SLC11A2: variants seen among roughly 807,000 people sequenced by gnomAD.
The protein encoded by SLC11A2 is solute carrier family 11 member 2.
A neutral mutation model predicts 68.0 loss-of-function variants in SLC11A2; 38 were observed. That is an observed-to-expected ratio of 0.56 (90% CI 0.43 to 0.73). The LOEUF (loss-of-function observed/expected upper bound fraction) is 0.73, where lower values mean the gene tolerates loss of function less well. Among genes scored for constraint, SLC11A2 ranks in the 30% least tolerant of loss-of-function variants. The pLI is 0.00. For missense variants in SLC11A2, 517 were observed against 690.5 expected (o/e 0.75, Z 2.82); for synonymous variants, 242 against 250.6 (o/e 0.97, Z 0.32).
At chr12:50,970,295 G>C in the SLC11A2 span, 1 of 636,380 alleles carries the variant, frequency 1.6e-6, no homozygotes, top group Non-Finnish European at 2.8e-6. Flanking sequence ...TCACTTGTAT[G>C]ATCCAAACCA....
Position 50,992,222 on chromosome 12 carries a change from T to C in SLC11A2, c.1315A>G (p.Asn439Asp). 10 of 1,614,066 alleles carry C rather than the reference T, an allele frequency of 6.2e-6. No individual in the cohort carries two copies. The highest frequency in any genetic ancestry group is 7.6e-6 in the Non-Finnish European group (9 of 1,179,948). The change falls in exon 13 of 16, where the codon AAT becomes GAT. Residue 439 changes from asparagine to aspartate, a missense_variant. Physicochemically the swap from Asn to Asp is conservative, Grantham distance 23. Coordinates refer to ENST00000262052, the MANE Select transcript of SLC11A2 (RefSeq NM_000617.3). ...CTCTGTAGAACATTCAGAAAGTCAT[T>C]CATCCCTGTTAGATGCTCTACATCT... Reference protein sequence around the residue: ...FQDVEHLTGMNDFLNVLQSLQ... With the variant: ...FQDVEHLTGMDDFLNVLQSLQ...
At position 50,987,003 on chromosome 12, in the gene SLC11A2, G is replaced by A. The variant is rs1940641915; in HGVS notation, c.*1322C>T. 1 of 1,285,358 alleles carries A rather than the reference G, an allele frequency of 7.8e-7. No individual in the cohort carries two copies. Among genetic ancestry groups the A allele is most frequent in the Non-Finnish European group, 1.0e-6 (1 of 987,652 alleles). 79.6% of individuals were successfully genotyped at this position (1,285,358 alleles called of 1,614,324 possible). ...TCACCAAATCAATGACTATAAAACA[G>A]TTTTGATTATTTATCTCCATCAAAG... On this transcript the variant is annotated 3_prime_UTR_variant, in exon 16 of 16. Transcript: ENST00000262052.
At chr12:51,027,617 CTGAAGATGAGACTGCCAAACTGG>C (rs1944443380), upstream of SLC11A2, among the ~76,000 whole-genome samples, 1 of 152,162 alleles carries the variant, frequency 6.6e-6, no homozygotes, top group Non-Finnish European at 1.5e-5. Context: ...ATCTTTTGCT[CTGAAGATGAGACTGCCAAACTGG>C]TGAAGAGGGA....
chr12:51,013,575 T>A lies in SLC11A2; in HGVS notation c.-38-2809A>T, dbSNP rs568694765. ...CACTGGAAAATCAGCTGGGCACTGT[T>A]TAAGGCACTGGAAAATCACCTGGGC... On this transcript the variant is annotated intron_variant, in intron 1 of 15. Coordinates refer to ENST00000262052, the MANE Select transcript of SLC11A2 (RefSeq NM_000617.3). 9.2e-5 allele frequency among the ~76,000 whole-genome samples: 14 copies of A among 151,858 alleles called. No individual in the cohort carries two copies. The East Asian group carries it at 2.4e-3, about 26-fold the overall frequency.
chr12:50,986,083 C>G lies in SLC11A2; in HGVS notation c.*2242G>C. The G allele has an allele frequency of 7.8e-7, 1 of 1,286,576 alleles. No individual in the cohort carries two copies. The highest frequency in any genetic ancestry group is 1.0e-6 in the Non-Finnish European group (1 of 988,304). The allele number at this position is 1,286,576 out of a possible 1,614,324, so 79.7% of individuals were successfully genotyped here. A position where few individuals can be genotyped will look rare whatever the true frequency, so the allele number is the denominator to read the frequency against. On this transcript the variant is annotated 3_prime_UTR_variant, in exon 16 of 16. Transcript: ENST00000262052. The stretch of plus-strand genomic sequence containing the variant: ...TCAGTTGTAACCACTCCTAACACCA[C>G]TAGCAGAACCTCAAGGGAGCCAAGA...
At position 50,987,642 on chromosome 12, in the gene SLC11A2, G is replaced by A. The variant is rs1940725214; in HGVS notation, c.*683C>T. The A allele has an allele frequency of 2.3e-6, 3 of 1,287,098 alleles. No individual in the cohort carries two copies. Among genetic ancestry groups the A allele is most frequent in the Admixed American group, 2.3e-5 (1 of 43,524 alleles). The allele number at this position is 1,287,098 out of a possible 1,614,324, so 79.7% of individuals were successfully genotyped here. On this transcript the variant is annotated 3_prime_UTR_variant, in exon 16 of 16. Coordinates refer to ENST00000262052, the MANE Select transcript of SLC11A2 (RefSeq NM_000617.3). ...CTTTTCAATCTGAGGAAAATCCTGAGAAGGTAATTAGTAAGCACCACCTAG... is the reference window on the plus strand; with the variant it reads ...CTTTTCAATCTGAGGAAAATCCTGAAAAGGTAATTAGTAAGCACCACCTAG...
chr12:50,990,646 G>C, intron 15 of SLC11A2, 149 bp downstream of exon 15: 1 of 755,390 alleles, frequency 1.3e-6, no homozygotes. Flanking sequence ...CTGGATTCAA[G>C]CAATCCTCCC....
At chr12:51,028,227 G>C, upstream of SLC11A2, 1 of 1,534,830 alleles carries the variant, frequency 6.5e-7, no homozygotes, top group Non-Finnish European at 8.7e-7. Context: ...CTTCCTCATG[G>C]TGCAGAACTA....
chr12:51,001,060 G>C (rs1319129689), intron 5 of SLC11A2, among the ~76,000 whole-genome samples: 1 of 151,860 alleles, frequency 6.6e-6, no homozygotes, highest in Non-Finnish European at 1.5e-5. Flanking sequence ...AGCTACTCAG[G>C]GGGCTGAGGC....
chr12:51,013,453 G>A (rs1778580626), intron 1 of SLC11A2, among the ~76,000 whole-genome samples: 1 of 151,624 alleles, frequency 6.6e-6, no homozygotes, highest in Non-Finnish European at 1.5e-5. Context: ...ACCGAGCCCG[G>A]CTAATTTTTG....
At chr12:51,018,479 T>A (rs987114026) in intron 1 of SLC11A2, among the ~76,000 whole-genome samples, 52 of 152,090 alleles carry the variant, frequency 3.4e-4, no homozygotes, top group Non-Finnish European at 5.6e-4. Context: ...CTTCAACTTT[T>A]TTTTTTTTAA....
chr12:51,002,228 G>A (rs1463656701), intron 5 of SLC11A2, among the ~76,000 whole-genome samples: 1 of 152,020 alleles, frequency 6.6e-6, no homozygotes, highest in Non-Finnish European at 1.5e-5. Context: ...CACACCTGTG[G>A]TCCCAACTAT....
the SLC11A2 span, among the ~76,000 whole-genome samples, chr12:50,973,226 C>G: frequency 6.6e-6 from 1 of 152,190 alleles, no homozygotes; most frequent in Non-Finnish European, 1.5e-5. Flanking sequence ...AGTAGCCTAA[C>G]TGGGAGGCAC....
At chr12:50,964,491 G>C in the SLC11A2 span, among the ~76,000 whole-genome samples, 2 of 152,138 alleles carry the variant, frequency 1.3e-5, no homozygotes, top group Admixed American at 6.5e-5. Context: ...ATTTCCCCTT[G>C]ATGTTCAGAA....
intron 5 of SLC11A2, among the ~76,000 whole-genome samples, chr12:51,001,190 G>A (rs1942189654): frequency 6.6e-6 from 1 of 151,314 alleles, no homozygotes; most frequent in South Asian, 2.1e-4. Context: ...AGGTTGGGGT[G>A]GACCAGGCAC....
At chr12:51,000,765 A>G in intron 5 of SLC11A2, 1 of 585,322 alleles carries the variant, frequency 1.7e-6, no homozygotes, top group Non-Finnish European at 3.0e-6. Context: ...TTAGAGGAGA[A>G]TAAGGATGCT....
rs1490330136 is a variant in SLC11A2 at position 51,016,644 on chromosome 12, T to G, written c.-38-5878A>C. On this transcript the variant is annotated intron_variant, in intron 1 of 15. Coordinates refer to ENST00000262052, the MANE Select transcript of SLC11A2 (RefSeq NM_000617.3). The stretch of plus-strand genomic sequence containing the variant: ...TTGCAGTGGGTTGAGATCGCACCAT[T>G]GCACTCCAGCCTGGGTGGCAGGGGG... Among the ~76,000 whole-genome samples the G allele has an allele frequency of 2.0e-5, 3 of 147,880 alleles. No homozygotes were observed. In the Admixed American group the frequency reaches 2.1e-4, roughly 10 times the overall value.
Position 50,987,858 on chromosome 12 carries a change from TAACTG to T in SLC11A2, c.*462_*466del, listed in dbSNP as rs1940748905. 1 of 1,260,030 alleles carries T rather than the reference TAACTG, an allele frequency of 7.9e-7. No individual in the cohort carries two copies. Among genetic ancestry groups the T allele is most frequent in the African/African-American group, 1.6e-5 (1 of 64,104 alleles). The allele number at this position is 1,260,030 out of a possible 1,614,324, so 78.1% of individuals were successfully genotyped here. ...AGTTGATAATTTGGTATAATTAAAA[TAACTG>T]AAAAGGTAGGTATAAGGAAAATTTC... is the stretch of plus-strand genomic sequence containing the variant. On this transcript the variant is annotated 3_prime_UTR_variant, in exon 16 of 16. Transcript: ENST00000262052.
intron 1 of SLC11A2, among the ~76,000 whole-genome samples, chr12:51,017,058 CAA>C (rs1943716209): frequency 6.6e-6 from 1 of 150,708 alleles, no homozygotes; most frequent in Non-Finnish European, 1.5e-5. Context: ...AAAATGCTAA[CAA>C]AATTTTATTT....
Sources: gnomAD v4.1 joint callset for allele counts (sites outside exome capture counted in the v4.1 genomes callset) on GRCh38, gnomAD v4.1.1 for gene constraint, MANE v1.5 for transcripts, NCBI Gene and HGNC (gene_info 2026-07-23, HGNC 2026-07-21) for gene names.